TCIRG1: variants seen among roughly 807,000 people sequenced by gnomAD.
TCIRG1 encodes V-type proton ATPase 116 kDa subunit a 3.
TCIRG1 carries 86 observed loss-of-function variants against 95.5 expected under a neutral mutation model. The observed-to-expected ratio is 0.90, with a 90% confidence interval of 0.76 to 1.08. The LOEUF is 1.08. TCIRG1 is among the 50% of genes least tolerant of loss of function. TCIRG1 has a pLI of 0.00. For missense variants in TCIRG1, 1,069 were observed against 1,140.2 expected (o/e 0.94, Z 0.90); for synonymous variants, 499 against 501.3 (o/e 1.00, Z 0.06).
chr11:68,053,670 G>A (rs143036274), downstream of TCIRG1: 6 of 311,964 alleles, frequency 1.9e-5, no homozygotes, highest in East Asian at 3.3e-4. Flanking sequence ...TACTCTTGCT[G>A]TTTGCCTCAT....
intron 1 of TCIRG1, among the ~76,000 whole-genome samples, chr11:68,039,393 T>C (rs1855054848): frequency 6.6e-6 from 1 of 152,134 alleles, no homozygotes; most frequent in African/African-American, 2.4e-5. Context: ...GAGGGACCCA[T>C]TCTACAGATG....
Position 68,049,101 on chromosome 11 carries a change from G to A in TCIRG1, c.1694G>A (p.Arg565Gln), listed in dbSNP as rs561371280. ...GCCAGGCACTTTGGCCAGAGGCACC[G>A]GCTGCTGCTGGAGACGCTGCCGGAG... Reference protein sequence around the residue: ...FNHVHFGQRHRLLLETLPELT... With the variant: ...FNHVHFGQRHQLLLETLPELT... Residue 565 changes from arginine to glutamine, a missense_variant, in exon 15 of 20, where the codon CGG becomes CAG. Transcript: ENST00000265686. The A allele has an allele frequency of 2.7e-5, 44 of 1,613,608 alleles. No individual in the cohort carries two copies. The South Asian group carries it at 3.5e-4, about 13-fold the overall frequency.
At position 68,047,693 on chromosome 11, in the gene TCIRG1, G is replaced by A; in HGVS notation, c.1352G>A (p.Gly451Asp). 1 of 1,613,008 alleles carries A rather than the reference G, an allele frequency of 6.2e-7. No individual in the cohort carries two copies. Among genetic ancestry groups the A allele is most frequent in the Non-Finnish European group, 8.5e-7 (1 of 1,179,842 alleles). Residue 451 changes from glycine to aspartate, a missense_variant, in exon 12 of 20, where the codon GGC becomes GAC. Physicochemically the swap from Gly to Asp is moderately conservative, Grantham distance 94 (BLOSUM62 -1). Transcript: ENST00000265686. ...FRGRYLLLLM[G>D]LFSIYTGFIY... ...GGCCGCTACCTGCTCCTGCTTATGGGCCTGTTCTCCATCTACACCGGCTTC... is the reference window on the plus strand; with the variant it reads ...GGCCGCTACCTGCTCCTGCTTATGGACCTGTTCTCCATCTACACCGGCTTC...
chr11:68,040,597 C>G (rs1855109466), intron 1 of TCIRG1, among the ~76,000 whole-genome samples: 1 of 152,190 alleles, frequency 6.6e-6, no homozygotes, highest in Non-Finnish European at 1.5e-5. Context: ...GGAGGGGCCC[C>G]AGCATCCAGG....
chr11:68,051,864 G>A (rs1050713072), downstream of TCIRG1, among the ~76,000 whole-genome samples: 52 of 152,190 alleles, frequency 3.4e-4, no homozygotes, highest in Non-Finnish European at 1.8e-4. Flanking sequence ...GGGCAGTGAG[G>A]TGGGGATAGG....
chr11:68,048,892 C>T lies in TCIRG1; in HGVS notation c.1568C>T (p.Ala523Val), dbSNP rs1229911430. The change falls in exon 14 of 20, where the codon GCT becomes GTT. Residue 523 changes from alanine to valine, a missense_variant. Coordinates refer to ENST00000265686, the MANE Select transcript of TCIRG1 (RefSeq NM_006019.4). ...CTGCCACCCTAGATTTGGAGCCTGGCTGCCAACCACTTGAGCTTCCTCAAC... is the reference window on the plus strand; with the variant it reads ...CTGCCACCCTAGATTTGGAGCCTGGTTGCCAACCACTTGAGCTTCCTCAAC... Reference protein sequence around the residue: ...PFGIDPIWSLAANHLSFLNSF... With the variant: ...PFGIDPIWSLVANHLSFLNSF... The T allele has an allele frequency of 1.2e-6, 2 of 1,611,736 alleles. No individual in the cohort carries two copies. Among genetic ancestry groups the T allele is most frequent in the East Asian group, 2.2e-5 (1 of 44,888 alleles).
rs1204907683 is a variant in TCIRG1 at position 68,046,660 on chromosome 11, CAG to C, written c.1166-772_1166-771del. The stretch of plus-strand genomic sequence containing the variant: ...TTTGGGGTCACAACACAGCCCCTGA[CAG>C]TGTGTATGTTGGGGTCCTCCTGCCT... On this transcript the variant is annotated intron_variant, in intron 10 of 19. Transcript: ENST00000265686. Among the ~76,000 whole-genome samples, 5 of 152,256 alleles carry C rather than the reference CAG, an allele frequency of 3.3e-5. No homozygotes were observed. The South Asian group carries it at 8.3e-4, about 25-fold the overall frequency.
intron 8 of TCIRG1, 43 bp downstream of exon 8, chr11:68,043,950 T>A (rs1352873365): frequency 6.8e-7 from 1 of 1,474,264 alleles, no homozygotes; most frequent in Non-Finnish European, 9.2e-7. Context: ...AGGAGGTGGG[T>A]GCCCCCGGCC....
At position 68,049,588 on chromosome 11, in the gene TCIRG1, G is replaced by A. The variant is rs916731488; in HGVS notation, c.1888-75G>A. 73 of 1,556,012 alleles carry A rather than the reference G, an allele frequency of 4.7e-5. No individual in the cohort carries two copies. The Admixed American group carries it at 5.3e-4, about 11-fold the overall frequency. On this transcript the variant is annotated intron_variant, in intron 15 of 19. Transcript: ENST00000265686. ...AGCGACCGCAGGCTCTCTGGGCCCC[G>A]TGACTGCTGTGACTCAGGTTCCTTT...
In TCIRG1 at chr11:68,050,763, TACTCAGGC is replaced by T; in HGVS notation, c.2440_2447del (p.Ser814GlyfsTer14). ...CAGGGTGGAATTCCAGAACAAGTTC[TACTCAGGC>T]ACGGGCTACAAGCTGAGTCCCTTCA... On this transcript the variant is annotated frameshift_variant, in exon 20 of 20. Coordinates refer to ENST00000265686, the MANE Select transcript of TCIRG1 (RefSeq NM_006019.4). LOFTEE classifies it high-confidence loss of function. The T allele has an allele frequency of 6.2e-7, 1 of 1,613,926 alleles. No individual in the cohort carries two copies. The highest frequency in any genetic ancestry group is 8.5e-7 in the Non-Finnish European group (1 of 1,180,016).
intron 4 of TCIRG1, 22 bp from the exon 5 acceptor site, chr11:68,042,924 C>A: frequency 6.4e-7 from 1 of 1,551,284 alleles, no homozygotes; most frequent in Non-Finnish European, 8.7e-7. Flanking sequence ...GCCTAGGGCT[C>A]ATGGTGCTTC....
chr11:68,043,012 C>T lies in TCIRG1; in HGVS notation c.484C>T (p.His162Tyr). ...TPLLQAPGGPHQDLRVNFVAG... is the reference protein window; with the variant it reads ...TPLLQAPGGPYQDLRVNFVAG... ...CCTGCTCCAGGCCCCCGGGGGGCCG[C>T]ACCAGGACCTGAGGGTCAAGTGAGT... is the stretch of plus-strand genomic sequence containing the variant. Residue 162 changes from histidine to tyrosine, a missense_variant, in exon 5 of 20, where the codon CAC (histidine) becomes TAC (tyrosine). Transcript: ENST00000265686. 6.4e-7 allele frequency: 1 copy of T among 1,551,098 alleles called. No homozygotes were observed. Among genetic ancestry groups the T allele is most frequent in the Non-Finnish European group, 8.7e-7 (1 of 1,147,496 alleles).
At chr11:68,043,302 C>T in intron 5 of TCIRG1, 69 bp from the exon 6 acceptor site, 1 of 1,520,614 alleles carries the variant, frequency 6.6e-7, no homozygotes, top group Non-Finnish European at 8.8e-7. Context: ...CAGGGTCCTG[C>T]CCGGGGGGCC....
chr11:68,043,245 CT>C, intron 5 of TCIRG1, 125 bp from the exon 6 acceptor site: 1 of 1,479,698 alleles, frequency 6.8e-7, no homozygotes, highest in Non-Finnish European at 8.9e-7. Flanking sequence ...CTGCCTTCCC[CT>C]GTGGGCAGGG....
At chr11:68,040,763 C>G (rs377279509) in intron 1 of TCIRG1, among the ~76,000 whole-genome samples, 31 of 152,282 alleles carry the variant, frequency 2.0e-4, no homozygotes, top group African/African-American at 7.5e-4. Flanking sequence ...AGGGGACAGC[C>G]CCCCCACAGC....
At chr11:68,049,913 G>T in intron 16 of TCIRG1, 49 bp from the exon 17 acceptor site, 2 of 1,569,502 alleles carry the variant, frequency 1.3e-6, no homozygotes, top group South Asian at 1.2e-5. Context: ...GGGTGGTGGG[G>T]GACCTCCTGG....
intron 15 of TCIRG1, 153 bp from the exon 16 acceptor site, chr11:68,049,510 G>A (rs1396910159): frequency 1.7e-6 from 2 of 1,154,222 alleles, no homozygotes; most frequent in Non-Finnish European, 2.5e-6. Context: ...TCCTTATGGA[G>A]GCAGACCCTC....
downstream of TCIRG1, among the ~76,000 whole-genome samples, chr11:68,051,540 T>C (rs550127947): frequency 1.4e-3 from 218 of 152,336 alleles, no homozygotes; most frequent in African/African-American, 5.0e-3. Context: ...GAGGAAGTGC[T>C]TCCCAGAAGC....
At position 68,050,734 on chromosome 11, in the gene TCIRG1, C is replaced by T; in HGVS notation, c.2415-7C>T. The T allele has an allele frequency of 6.2e-7, 1 of 1,613,892 alleles. No homozygotes were observed. The highest frequency in any genetic ancestry group is 8.5e-7 in the Non-Finnish European group (1 of 1,180,030). ...CCCTCACCAACCCCTCTGCTTCTCACCCCCAGGGTGGAATTCCAGAACAAG... is the reference window on the plus strand; with the variant it reads ...CCCTCACCAACCCCTCTGCTTCTCATCCCCAGGGTGGAATTCCAGAACAAG... On this transcript the variant is annotated splice_polypyrimidine_tract_variant and splice_region_variant and intron_variant, in intron 19 of 19. Coordinates refer to ENST00000265686, the MANE Select transcript of TCIRG1 (RefSeq NM_006019.4).
Sources: allele counts gnomAD v4.1 joint callset (sites outside exome capture counted in the v4.1 genomes callset), GRCh38; gene constraint gnomAD v4.1.1; transcripts MANE v1.5; gene names NCBI Gene and HGNC (gene_info 2026-07-23, HGNC 2026-07-21).